DCDC2C: variants seen among roughly 807,000 people sequenced by gnomAD.
DCDC2C encodes the protein doublecortin domain-containing protein 2C.
Under a neutral mutation model 45.0 loss-of-function variants are expected in DCDC2C, and 44 were observed. The observed-to-expected ratio is 0.98, with a 90% CI of 0.77 to 1.26. The LOEUF is 1.26. Among genes scored for constraint, DCDC2C ranks in the 50% most tolerant of loss-of-function variants. DCDC2C has a pLI of 0.00. For synonymous variants in DCDC2C, 187 were observed against 178.8 expected (o/e 1.05, Z -0.37); for missense variants, 447 against 468.9 (o/e 0.95, Z 0.43).
rs1192825490 is a variant in DCDC2C, at chr2:3,767,875, G to A, written c.848G>A (p.Gly283Asp). Residue 283 changes from glycine to aspartate, a missense_variant, in exon 7 of 11, where the codon GGT becomes GAT. Transcript: ENST00000399143. Reference sequence around the variant, plus strand: ...TTGGCAGAACCTTTAGTCCAAAGGGGTGCAGGTGACGTGCAGTTTCATTCT... The same window carrying A: ...TTGGCAGAACCTTTAGTCCAAAGGGATGCAGGTGACGTGCAGTTTCATTCT... Reference protein sequence around the residue: ...KTLAEPLVQRGAEGDVYKAPT... With the variant: ...KTLAEPLVQRDAEGDVYKAPT... 1.3e-6 allele frequency: 2 copies of A among 1,516,124 alleles called. No homozygotes were observed. The highest frequency in any genetic ancestry group is 1.3e-5 in the South Asian group (1 of 77,972). The allele number at this position is 1,516,124 out of a possible 1,614,324, so 93.9% of individuals were successfully genotyped here.
chr2:3,706,553 C>T (rs201711791), intron 1 of DCDC2C, among the ~76,000 whole-genome samples: 1,771 of 151,644 alleles, frequency 0.012, 36 homozygotes, highest in African/African-American at 0.039. Flanking sequence ...CATGTGTGTG[C>T]GTGTGTGTGT....
chr2:3,766,309 C>T (rs566532552), intron 6 of DCDC2C, among the ~76,000 whole-genome samples: 37 of 122,114 alleles, frequency 3.0e-4, no homozygotes, highest in East Asian at 1.2e-3. Flanking sequence ...TACACACACA[C>T]GCACACACAC....
Position 3,755,260 on chromosome 2 carries a change from C to T in DCDC2C, c.726+626C>T, listed in dbSNP as rs578067046. On this transcript the variant is annotated intron_variant, in intron 6 of 10. Coordinates refer to ENST00000399143, the MANE Select transcript of DCDC2C (RefSeq NM_001287444.2). ...ATATGATGTGCATATGATGGGTACA[C>T]GTGTGTACATGGATGCATGTGTATG... is the stretch of plus-strand genomic sequence containing the variant. Among the ~76,000 whole-genome samples, 12 of 151,152 alleles carry T rather than the reference C, an allele frequency of 7.9e-5. No homozygotes were observed. In the South Asian group the frequency reaches 8.4e-4, roughly 11 times the overall value.
chr2:3,721,124 C>T (rs1190426782), intron 2 of DCDC2C, among the ~76,000 whole-genome samples: 2 of 152,058 alleles, frequency 1.3e-5, no homozygotes, highest in African/African-American at 4.8e-5. Flanking sequence ...TTATTTGTGT[C>T]TTCTATTTTT....
At chr2:3,710,462 G>C (rs1668175328) in intron 2 of DCDC2C, among the ~76,000 whole-genome samples, 1 of 152,118 alleles carries the variant, frequency 6.6e-6, no homozygotes, top group Non-Finnish European at 1.5e-5. Context: ...GTGGTGTTTG[G>C]TTTTCTGTTC....
rs570895055 is a variant in DCDC2C at position 3,823,927 on chromosome 2, G to A, written c.1066-23227G>A. On this transcript the variant is annotated intron_variant, in intron 10 of 10. Coordinates refer to ENST00000399143, the MANE Select transcript of DCDC2C (RefSeq NM_001287444.2). ...AGATGGTGAGTATTTTAGGCTGTGT[G>A]CCATGTGGTCTTTGTTGCAACTCAT... is the stretch of plus-strand genomic sequence containing the variant. 2.6e-5 allele frequency among the ~76,000 whole-genome samples: 4 copies of A among 152,350 alleles called. No homozygotes were observed. In the East Asian group the frequency reaches 7.7e-4, roughly 29 times the overall value.
rs1317075809 is a variant in DCDC2C, at chr2:3,738,539, GGAAA to G, written c.417-3380_417-3377del. Among the ~76,000 whole-genome samples the G allele has an allele frequency of 1.9e-3, 107 of 55,242 alleles. 2 individuals carry two copies. Among genetic ancestry groups the G allele is most frequent in the East Asian group, 0.013 (21 of 1,638 alleles). 36.2% of individuals were successfully genotyped at this position (55,242 alleles called of 152,430 possible). ...TACATTTTTTCTGCTGGTCTATCTG[GGAAA>G]AAAAAAAAAAAAAAAAAAAAAAAAA... On this transcript the variant is annotated intron_variant, in intron 3 of 10. Transcript: ENST00000399143.
Position 3,820,838 on chromosome 2 carries a change from G to A in DCDC2C, c.1066-26316G>A, listed in dbSNP as rs578148808. The stretch of plus-strand genomic sequence containing the variant: ...TTGAAATTGGTGAGATGTTCCTTGG[G>A]CTGGTTGGTCTGAGGACCTGAGGTT... On this transcript the variant is annotated intron_variant, in intron 10 of 10. Coordinates refer to ENST00000399143, the MANE Select transcript of DCDC2C (RefSeq NM_001287444.2). Among the ~76,000 whole-genome samples, 29 of 152,278 alleles carry A rather than the reference G, an allele frequency of 1.9e-4. No homozygotes were observed. The South Asian group carries it at 5.6e-3, about 29-fold the overall frequency.
At chr2:3,756,960 T>C (rs1205089556) in intron 6 of DCDC2C, among the ~76,000 whole-genome samples, 2 of 152,256 alleles carry the variant, frequency 1.3e-5, no homozygotes, top group African/African-American at 2.4e-5. Flanking sequence ...GTTGAATGGA[T>C]GAATGATGAT....
chr2:3,754,703 C>T (rs1418020183), intron 6 of DCDC2C, 69 bp downstream of exon 6: 1 of 1,402,668 alleles, frequency 7.1e-7, no homozygotes, highest in Non-Finnish European at 9.8e-7. Context: ...TTAACAAGGG[C>T]ACAGCGCAGG....
chr2:3,842,933 G>A (rs991882615), intron 10 of DCDC2C, among the ~76,000 whole-genome samples: 15 of 152,114 alleles, frequency 9.9e-5, no homozygotes, highest in Admixed American at 8.5e-4. Flanking sequence ...GCCTGGCCCC[G>A]TTTAGCTGTT....
chr2:3,843,040 C>T (rs968154619), intron 10 of DCDC2C, among the ~76,000 whole-genome samples: 1 of 152,212 alleles, frequency 6.6e-6, no homozygotes, highest in African/African-American at 2.4e-5. Flanking sequence ...GGATTTTGGT[C>T]TTTATCCTGT....
chr2:3,740,500 CAA>C (rs1399724769), intron 3 of DCDC2C, among the ~76,000 whole-genome samples: 1 of 152,150 alleles, frequency 6.6e-6, no homozygotes, highest in Admixed American at 6.5e-5. Context: ...AAAATTGAGA[CAA>C]AATATAACAA....
intron 9 of DCDC2C, among the ~76,000 whole-genome samples, chr2:3,783,834 A>G (rs1053789523): frequency 3.3e-5 from 5 of 152,248 alleles, no homozygotes; most frequent in African/African-American, 1.2e-4. Flanking sequence ...AGAAGAAGTA[A>G]TTATCTCCAA....
intron 8 of DCDC2C, among the ~76,000 whole-genome samples, chr2:3,775,225 C>A (rs1301684922): frequency 2.7e-5 from 2 of 74,924 alleles, no homozygotes. Flanking sequence ...GTGGACTAGG[C>A]AGCTGTGGCT....
chr2:3,736,209 AC>A (rs1442406627), intron 3 of DCDC2C, among the ~76,000 whole-genome samples: 1 of 152,120 alleles, frequency 6.6e-6, no homozygotes, highest in Non-Finnish European at 1.5e-5. Flanking sequence ...GGATTCTAAT[AC>A]CCCAATCCAG....
intron 2 of DCDC2C, 113 bp from the exon 3 acceptor site, chr2:3,726,889 CA>C (rs1347790363): frequency 1.1e-6 from 1 of 938,138 alleles, no homozygotes; most frequent in East Asian, 2.7e-5. Context: ...GTTCTATTGA[CA>C]AAGGGGTTCC....
At chr2:3,812,912 G>A (rs1385921842) in intron 10 of DCDC2C, among the ~76,000 whole-genome samples, 1 of 151,858 alleles carries the variant, frequency 6.6e-6, no homozygotes, top group African/African-American at 2.4e-5. Flanking sequence ...TTAATTCTGA[G>A]TTCTAATTTG....
At chr2:3,757,433 A>T (rs1669751250) in intron 6 of DCDC2C, among the ~76,000 whole-genome samples, 1 of 152,170 alleles carries the variant, frequency 6.6e-6, no homozygotes, top group Admixed American at 6.5e-5. Flanking sequence ...TTAAAATCAG[A>T]TGCTGGATTT....
Sources: allele counts gnomAD v4.1 joint callset (sites outside exome capture counted in the v4.1 genomes callset), GRCh38; gene constraint gnomAD v4.1.1; transcripts MANE v1.5; gene names NCBI Gene and HGNC (gene_info 2026-07-23, HGNC 2026-07-21).